The following MEN1 variants were observed in gnomAD, a reference collection of about 807,000 sequenced individuals.
MEN1 encodes the protein menin.
A neutral mutation model predicts 58.0 loss-of-function variants in MEN1; 6 were observed. That is an observed-to-expected ratio of 0.10 (90% confidence interval 0.06 to 0.20). MEN1 has a LOEUF of 0.20. Among genes scored for constraint, MEN1 ranks in the 10% least tolerant of loss-of-function variants. MEN1 has a pLI of 1.00. For synonymous variants in MEN1, 346 were observed against 350.7 expected (o/e 0.99, Z 0.15); for missense variants, 492 against 818.5 (o/e 0.60, Z 4.87).
In MEN1 at chr11:64,805,617, G is replaced by T. The variant is rs780329058; in HGVS notation, c.1185+18C>A. 6.2e-7 allele frequency: 1 copy of T among 1,612,798 alleles called. No homozygotes were observed. The highest frequency in any genetic ancestry group is 1.1e-5 in the South Asian group (1 of 91,074). On this transcript the variant is annotated intron_variant, in intron 8 of 9. Coordinates refer to ENST00000450708, the MANE Select transcript of MEN1 (RefSeq NM_001370259.2). Reference sequence around the variant, plus strand: ...CCAGGTGGGAGGCTGGACACAGGCTGGAGCTCCAGCCTTTCACCTGGCTTT... The same window carrying T: ...CCAGGTGGGAGGCTGGACACAGGCTTGAGCTCCAGCCTTTCACCTGGCTTT...
rs1941838917 is a variant in MEN1, at chr11:64,807,781, ATG to A, written c.655-103_655-102del. ...AGGGGCTCTTCTGTCTTCCCTTCCT[ATG>A]TGGGTGGTGATGGGAAGAAAGGGGT... is the stretch of plus-strand genomic sequence containing the variant. On this transcript the variant is annotated intron_variant, in intron 3 of 9. Coordinates refer to ENST00000450708, the MANE Select transcript of MEN1 (RefSeq NM_001370259.2). The surrounding 1 kb of genome is among the most constrained non-coding windows in gnomAD (Gnocchi z 4.9). 7 of 1,606,946 alleles carry A rather than the reference ATG, an allele frequency of 4.4e-6. No homozygotes were observed. Among genetic ancestry groups the A allele is most frequent in the Non-Finnish European group, 6.0e-6 (7 of 1,174,484 alleles).
At chr11:64,809,557 C>T (rs1941970029) in intron 2 of MEN1, 108 bp downstream of exon 2, 7 of 1,387,400 alleles carry the variant, frequency 5.0e-6, no homozygotes, top group Non-Finnish European at 7.0e-6. Flanking sequence ...AGGAAAATAA[C>T]ACCTGCCGAA....
At position 64,806,249 on chromosome 11, in the gene MEN1, C is replaced by A. The variant is rs760183888; in HGVS notation, c.1032G>T (p.Thr344=). 5.0e-6 allele frequency: 8 copies of A among 1,614,142 alleles called. No homozygotes were observed. Among genetic ancestry groups the A allele is most frequent in the Non-Finnish European group, 6.8e-6 (8 of 1,179,998 alleles). ...VREALQAWAD[T]ATVIQDYNYC... ...ATCCTCACTCCTGGATGACAGTGGC[C>A]GTGTCCGCCCAGGCCTGCAGGGCTT... The change falls in exon 7 of 10, where the codon ACG becomes ACT. Residue 344 remains threonine, a synonymous_variant. Transcript: ENST00000450708.
rs1346530283 is a variant in MEN1 at position 64,810,522 on chromosome 11, T to A, written c.-32A>T. On this transcript the variant is annotated 5_prime_UTR_variant, in exon 1 of 10. It adds an upstream start codon to the 5' untranslated region. Transcript: ENST00000450708. ...CGGTCCCCCTCGCCCACCTCCGCGC[T>A]TACATCCCACACTAGGCACCGCGGC... The A allele has an allele frequency of 5.4e-6, 1 of 186,468 alleles. No individual in the cohort carries two copies. The highest frequency in any genetic ancestry group is 1.1e-4 in the East Asian group (1 of 8,870). The allele number at this position is 186,468 out of a possible 1,614,324, so 11.6% of individuals were successfully genotyped here.
At position 64,808,096 on chromosome 11, in the gene MEN1, G is replaced by T. The variant is rs1410911769; in HGVS notation, c.449C>A (p.Thr150Asn). The T allele has an allele frequency of 6.2e-7, 1 of 1,610,272 alleles. No homozygotes were observed. The highest frequency in any genetic ancestry group is 1.1e-5 in the South Asian group (1 of 90,672). ...GGCCACACCGGAGCTGTCCAATTTG[G>T]TGCCTGTGGAAGGGGGAGGTAATGA... ...IQSLFSFITGTKLDSSGVAFA... is the reference protein window; with the variant it reads ...IQSLFSFITGNKLDSSGVAFA... Residue 150 changes from threonine to asparagine, a missense_variant, in exon 3 of 10, where the codon ACC becomes AAC. Transcript: ENST00000450708.
Position 64,810,190 on chromosome 11 carries a change from C to A in MEN1, c.-23-58G>T, listed in dbSNP as rs1206061831. 8 of 1,150,062 alleles carry A rather than the reference C, an allele frequency of 7.0e-6. No individual in the cohort carries two copies. In the African/African-American group the frequency reaches 9.2e-5, roughly 13 times the overall value. 71.2% of individuals were successfully genotyped at this position (1,150,062 alleles called of 1,614,324 possible). A position where few individuals can be genotyped will look rare whatever the true frequency, so the allele number is the denominator to read the frequency against. On this transcript the variant is annotated intron_variant, in intron 1 of 9. Coordinates refer to ENST00000450708, the MANE Select transcript of MEN1 (RefSeq NM_001370259.2). The stretch of plus-strand genomic sequence containing the variant: ...CAGGTTCGGCCGGGGAGCCTCCTCC[C>A]AGGGTCCGCTAAGGTTCCACCCGCC...
Position 64,807,651 on chromosome 11 carries a change from C to A in MEN1, c.684G>T (p.Met228Ile), listed in dbSNP as rs1213933028. The change falls in exon 4 of 10, where the codon ATG (methionine) becomes ATT (isoleucine). Residue 228 changes from methionine (M) to isoleucine (I), a missense_variant. By Grantham distance (10) the Met-to-Ile change is conservative. Around this residue, in one of 5 missense-constraint regions of MEN1, gnomAD observed 335 missense variants for 550.3 expected, o/e 0.61. Coordinates refer to ENST00000450708, the MANE Select transcript of MEN1 (RefSeq NM_001370259.2). This position sits in a 1 kb window ranked among gnomAD's most constrained non-coding sequence, Gnocchi z 4.9. The stretch of plus-strand genomic sequence containing the variant: ...CCACCTCCATCTTGCGGTCACAGCG[C>A]ATGTATGATCCTTTCAGGTACAGCC... ...RSWLYLKGSYMRCDRKMEVAF... is the reference protein window; with the variant it reads ...RSWLYLKGSYIRCDRKMEVAF... The A allele has an allele frequency of 1.2e-6, 2 of 1,614,136 alleles. No individual in the cohort carries two copies. Among genetic ancestry groups the A allele is most frequent in the South Asian group, 2.2e-5 (2 of 91,084 alleles).
rs1941431773 is a variant in MEN1, at chr11:64,803,740, C to T, written c.*594G>A. On this transcript the variant is annotated 3_prime_UTR_variant, in exon 10 of 10. Transcript: ENST00000450708. ...CAGGAAGAGGGCGGGGCTCAGGATG[C>T]TCATAGGCTGGGGGCGGAGTTTTGT... 1 of 244,908 alleles carries T rather than the reference C, an allele frequency of 4.1e-6. No individual in the cohort carries two copies. The highest frequency in any genetic ancestry group is 8.1e-6 in the Non-Finnish European group (1 of 123,738). 15.2% of individuals were successfully genotyped at this position (244,908 alleles called of 1,614,324 possible).
rs1036901713 is a variant in MEN1 at position 64,810,149 on chromosome 11, G to C, written c.-23-17C>G. On this transcript the variant is annotated splice_polypyrimidine_tract_variant and intron_variant, in intron 1 of 9. Transcript: ENST00000450708. ...GGCGGCGGCCTGCAAGGCAAGCCGG[G>C]GGAGGGAGGGTCGGGCAGGTTCGGC... 7.4e-7 allele frequency: 1 copy of C among 1,347,058 alleles called. No individual in the cohort carries two copies. The highest frequency in any genetic ancestry group is 1.0e-6 in the Non-Finnish European group (1 of 986,590). The allele number at this position is 1,347,058 out of a possible 1,614,324, so 83.4% of individuals were successfully genotyped here. A position where few individuals can be genotyped will look rare whatever the true frequency, so the allele number is the denominator to read the frequency against.
Position 64,805,163 on chromosome 11 carries a change from A to G in MEN1, c.1221T>C (p.Pro407=), listed in dbSNP as rs1164803924. Residue 407 remains proline (P), a synonymous_variant, in exon 9 of 10, where the codon CCT becomes CCC. Transcript: ENST00000450708. ...ATCGCAGCAGGTGGGCGAAGCACTCAGGGTCCTGGAGGGCGGAACCTTGGC... is the reference window on the plus strand; with the variant it reads ...ATCGCAGCAGGTGGGCGAAGCACTCGGGGTCCTGGAGGGCGGAACCTTGGC... ...TQSQGSALQD[P]ECFAHLLRFY... The G allele has an allele frequency of 1.2e-6, 2 of 1,614,002 alleles. No homozygotes were observed. The highest frequency in any genetic ancestry group is 2.2e-5 in the South Asian group (2 of 91,078).
rs547187748 is a variant in MEN1 at position 64,807,284 on chromosome 11, G to C, written c.784-65C>G. The C allele has an allele frequency of 6.4e-7, 1 of 1,550,770 alleles. No individual in the cohort carries two copies. On this transcript the variant is annotated intron_variant, in intron 4 of 9. Transcript: ENST00000450708. The surrounding 1 kb of genome is among the most constrained non-coding windows in gnomAD (Gnocchi z 4.9). ...GAGGAGAACGGGTCCTTAGCCTATC[G>C]GGCAGAGGTGGGGGTCAGAACCAAC...
In MEN1 at chr11:64,807,937, T is replaced by C. The variant is rs2136150618; in HGVS notation, c.608A>G (p.Asn203Ser). Residue 203 changes from asparagine (N) to serine (S), a missense_variant, in exon 3 of 10, where the codon AAC becomes AGC. Transcript: ENST00000450708. This position sits in a 1 kb window ranked among gnomAD's most constrained non-coding sequence, Gnocchi z 4.9. ...TAEVTWHGKG[N>S]EDRRGQTVNA... is the part of the protein sequence containing the mutation. ...GACTGTCTGGCCCCTGCGGTCCTCG[T>C]TGCCCTTGCCGTGCCAGGTGACCTC... 6.2e-7 allele frequency: 1 copy of C among 1,614,186 alleles called. No homozygotes were observed. Among genetic ancestry groups the C allele is most frequent in the Non-Finnish European group, 8.5e-7 (1 of 1,180,030 alleles).
chr11:64,806,105 C>A, intron 7 of MEN1, 127 bp downstream of exon 7: 1 of 1,280,804 alleles, frequency 7.8e-7, no homozygotes, highest in South Asian at 1.3e-5. Context: ...GGTGGCCTTG[C>A]TGCCTAGGGA....
Position 64,807,289 on chromosome 11 carries a change from G to C in MEN1, c.784-70C>G. ...GAACGGGTCCTTAGCCTATCGGGCA[G>C]AGGTGGGGGTCAGAACCAACAGGGA... On this transcript the variant is annotated intron_variant, in intron 4 of 9. Transcript: ENST00000450708. The surrounding 1 kb of genome is among the most constrained non-coding windows in gnomAD (Gnocchi z 4.9). The C allele has an allele frequency of 1.3e-6, 2 of 1,546,558 alleles. No homozygotes were observed. The highest frequency in any genetic ancestry group is 1.8e-6 in the Non-Finnish European group (2 of 1,138,216).
Position 64,804,106 on chromosome 11 carries a change from T to C in MEN1, c.*228A>G. 1 of 588,322 alleles carries C rather than the reference T, an allele frequency of 1.7e-6. No homozygotes were observed. The highest frequency in any genetic ancestry group is 2.0e-5 in the South Asian group (1 of 50,346). The allele number at this position is 588,322 out of a possible 1,614,324, so 36.4% of individuals were successfully genotyped here. A position where few individuals can be genotyped will look rare whatever the true frequency, so the allele number is the denominator to read the frequency against. On this transcript the variant is annotated 3_prime_UTR_variant, in exon 10 of 10. Transcript: ENST00000450708. This position sits in a 1 kb window ranked among gnomAD's most constrained non-coding sequence, Gnocchi z 4.2. ...CAGCGTGAGGTTTCCATTGGCCGGC[T>C]GGGATTCTGGGAGAAGAGACCTATA...
At position 64,805,041 on chromosome 11, in the gene MEN1, T is replaced by G. The variant is rs1403979771; in HGVS notation, c.1343A>C (p.Glu448Ala). The change falls in exon 9 of 10, where the codon GAG (glutamate) becomes GCG (alanine). Residue 448 changes from glutamate to alanine, a missense_variant. Physicochemically the swap from Glu to Ala is moderately radical, Grantham distance 107. This residue lies in a region of MEN1 where 45 missense variants were observed against 66.9 expected (regional missense o/e 0.67). Coordinates refer to ENST00000450708, the MANE Select transcript of MEN1 (RefSeq NM_001370259.2). The stretch of plus-strand genomic sequence containing the variant: ...TGTGCAGCTGTCCCTCACCTGTCCC[T>G]CAAAACGGCCTAGGGACTGCACAAG... The part of the protein sequence containing the change: ...TFLVQSLGRF[E>A]GQVRQKVRIV... The G allele has an allele frequency of 6.2e-7, 1 of 1,613,902 alleles. No individual in the cohort carries two copies. Among genetic ancestry groups the G allele is most frequent in the Admixed American group, 1.7e-5 (1 of 60,030 alleles).
intron 2 of MEN1, 151 bp from the exon 3 acceptor site, chr11:64,808,250 C>A: frequency 1.4e-6 from 1 of 711,988 alleles, no homozygotes; most frequent in Non-Finnish European, 2.4e-6. Flanking sequence ...TCCATCCCTT[C>A]CCTCCCACGT....
intron 9 of MEN1, 28 bp downstream of exon 9, chr11:64,805,006 C>A: frequency 6.2e-7 from 1 of 1,611,916 alleles, no homozygotes; most frequent in Non-Finnish European, 8.5e-7. Context: ...ACCTGTAGTG[C>A]CCAGACCTCT....
Position 64,807,155 on chromosome 11 carries a change from G to A in MEN1, c.824+24C>T, listed in dbSNP as rs1941788868. 1.9e-6 allele frequency: 3 copies of A among 1,614,028 alleles called. No individual in the cohort carries two copies. The highest frequency in any genetic ancestry group is 3.3e-5 in the Admixed American group (2 of 59,996). The stretch of plus-strand genomic sequence containing the variant: ...CAGCCCCCCGGCCTCACCAGGCGCA[G>A]CCTGGCCACTTCCCTCTACTGACCT... On this transcript the variant is annotated intron_variant, in intron 5 of 9. Transcript: ENST00000450708. The surrounding 1 kb of genome is among the most constrained non-coding windows in gnomAD (Gnocchi z 4.9).
Sources: gnomAD v4.1 joint callset for allele counts on GRCh38, gnomAD v4.1.1 for gene constraint, gnomAD v4.1.1 regional missense constraint, Gnocchi (gnomAD v3.1) non-coding constraint, MANE v1.5 for transcripts, NCBI Gene and HGNC (gene_info 2026-07-23, HGNC 2026-07-21) for gene names.